The following DIP2A variants were observed in gnomAD, a reference collection of about 807,000 sequenced individuals.
The protein encoded by DIP2A is DIP2 acetate--CoA ligase A, also known as disco-interacting protein 2 homolog A.
A neutral mutation model predicts 177.4 loss-of-function variants in DIP2A; 85 were observed. That is an observed-to-expected ratio of 0.48 (90% CI 0.40 to 0.57). The LOEUF (loss-of-function observed/expected upper bound fraction) is 0.57. Among genes scored for constraint, DIP2A ranks in the 20% least tolerant of loss-of-function variants. The pLI is 0.00. For missense variants in DIP2A, 1,791 were observed against 2,100.2 expected, an observed-to-expected ratio of 0.85 and a Z score of 2.88; for synonymous variants, 886 against 881.8, an observed-to-expected ratio of 1.00 and a Z score of -0.08.
At chr21:46,503,197 C>T (rs1476290154) in intron 5 of DIP2A, among the ~76,000 whole-genome samples, 3 of 152,006 alleles carry the variant, frequency 2.0e-5, no homozygotes, top group African/African-American at 7.3e-5. Flanking sequence ...GTGGCACATG[C>T]CTGTAATCCC....
chr21:46,459,288 A>T, intron 1 of DIP2A, 66 bp downstream of exon 1: 1 of 1,277,234 alleles, frequency 7.8e-7, no homozygotes. Flanking sequence ...GCAGCCCCTC[A>T]CTCCGGGACC....
chr21:46,495,371 C>T (rs1433440845), intron 3 of DIP2A, among the ~76,000 whole-genome samples: 8 of 151,524 alleles, frequency 5.3e-5, no homozygotes, highest in Non-Finnish European at 2.9e-5. Flanking sequence ...CGGGTTCAAA[C>T]GATTTTCCTG....
chr21:46,547,785 C>A (rs1043633489), intron 21 of DIP2A, among the ~76,000 whole-genome samples: 1 of 150,976 alleles, frequency 6.6e-6, no homozygotes, highest in Non-Finnish European at 1.5e-5. Flanking sequence ...GTCCTCTTAC[C>A]GCACCTCCTG....
At position 46,511,477 on chromosome 21, in the gene DIP2A, G is replaced by GGGA. The variant is rs770645393; in HGVS notation, c.967_969dup (p.Glu323dup). ...GGAAGCGAGACGAGTGTGCTGAGAG[G>GGGA]GGAGCCTCTCACTGCAGGTGTCCCC... On this transcript the variant is annotated inframe_insertion, in exon 8 of 38. Coordinates refer to ENST00000417564, the MANE Select transcript of DIP2A (RefSeq NM_015151.4). 2 of 1,613,268 alleles carry GGGA rather than the reference G, an allele frequency of 1.2e-6. No individual in the cohort carries two copies. The highest frequency in any genetic ancestry group is 2.2e-5 in the South Asian group (2 of 90,918).
At chr21:46,554,784 A>AGGGGGGGGGGGGGGG in intron 27 of DIP2A, 38 bp from the exon 28 acceptor site, 9 of 1,537,304 alleles carry the variant, frequency 5.9e-6, no homozygotes, top group East Asian at 2.5e-5. Context: ...GCAGCTTGAG[A>AGGGGGGGGGGGGGGG]GGCCCCGCCC....
chr21:46,546,984 G>A lies in DIP2A; in HGVS notation c.2464G>A (p.Asp822Asn). The change falls in exon 21 of 38, where the codon GAT becomes AAT. Residue 822 changes from aspartate (D) to asparagine (N), a missense_variant. Physicochemically the swap from Asp to Asn is conservative, Grantham distance 23 (BLOSUM62 1). Coordinates refer to ENST00000417564, the MANE Select transcript of DIP2A (RefSeq NM_015151.4). ...MVTGVRRHNA[D>N]DVVATALAVE... ...CACTGGAGTTCGCAGACACAATGCA[G>A]ATGACGTTGTGGCCACCGCACTGGC... 1.2e-6 allele frequency: 2 copies of A among 1,613,980 alleles called. No individual in the cohort carries two copies. Among genetic ancestry groups the A allele is most frequent in the Non-Finnish European group, 1.7e-6 (2 of 1,179,880 alleles).
At chr21:46,558,429 C>T (rs1163833630) in intron 32 of DIP2A, 36 bp downstream of exon 32, 2 of 1,548,774 alleles carry the variant, frequency 1.3e-6, no homozygotes, top group Non-Finnish European at 1.7e-6. Context: ...CGAAAGCTGG[C>T]TGTTGGCAGC....
At chr21:46,509,424 G>C in intron 7 of DIP2A, 48 bp downstream of exon 7, 1 of 1,565,934 alleles carries the variant, frequency 6.4e-7, no homozygotes, top group South Asian at 1.2e-5. Context: ...GAAAAGGGTG[G>C]CCACGAAGTT....
At chr21:46,479,410 CTG>C (rs2056171605) in intron 1 of DIP2A, among the ~76,000 whole-genome samples, 1 of 152,094 alleles carries the variant, frequency 6.6e-6, no homozygotes, top group South Asian at 2.1e-4. Flanking sequence ...TTATTAAAAA[CTG>C]AGATAAAATA....
intron 8 of DIP2A, among the ~76,000 whole-genome samples, chr21:46,524,305 G>A (rs925496385): frequency 1.3e-5 from 2 of 152,134 alleles, no homozygotes; most frequent in African/African-American, 4.8e-5. Context: ...GTTGGGCCTC[G>A]AACCCAGGTT....
chr21:46,532,492 G>A (rs1179427638), intron 10 of DIP2A, among the ~76,000 whole-genome samples: 1 of 152,116 alleles, frequency 6.6e-6, no homozygotes, highest in Non-Finnish European at 1.5e-5. Flanking sequence ...TTATTAGGTG[G>A]AGCTGTTCTA....
At chr21:46,573,741 T>G (rs2060980137), downstream of DIP2A, among the ~76,000 whole-genome samples, 1 of 144,982 alleles carries the variant, frequency 6.9e-6, no homozygotes, top group Admixed American at 7.0e-5. Context: ...TAATATAGTT[T>G]AAATAAAAAA....
chr21:46,509,236 C>T (rs771554506), intron 6 of DIP2A, 21 bp from the exon 7 acceptor site: 7 of 1,606,564 alleles, frequency 4.4e-6, no homozygotes, highest in East Asian at 2.2e-5. Flanking sequence ...CCTCAGTGCT[C>T]CTCTGTCCTT....
chr21:46,527,914 C>T (rs576060458), intron 8 of DIP2A, among the ~76,000 whole-genome samples: 404 of 152,224 alleles, frequency 2.7e-3, no homozygotes, highest in South Asian at 5.8e-3. Flanking sequence ...CCTCTGTCGT[C>T]CTCTCTAGAC....
At position 46,490,642 on chromosome 21, in the gene DIP2A, C is replaced by T. The variant is rs1473615295; in HGVS notation, c.206C>T (p.Pro69Leu). The T allele has an allele frequency of 2.5e-6, 4 of 1,586,256 alleles. No homozygotes were observed. The highest frequency in any genetic ancestry group is 3.4e-6 in the Non-Finnish European group (4 of 1,166,202). ...SLQAENRIPG[P>L]SQTTAAAPKQ... ...CAAGCAGAGAATAGAATTCCTGGGC[C>T]CTCACAAACCACGGCCGCTGCACCC... The change falls in exon 3 of 38, where the codon CCC becomes CTC. Residue 69 changes from proline to leucine, a missense_variant. By Grantham distance (98) the Pro-to-Leu change is moderately conservative. Transcript: ENST00000417564.
At position 46,566,666 on chromosome 21, in the gene DIP2A, C is replaced by T. The variant is rs2060847238; in HGVS notation, c.4446C>T (p.His1482=). Residue 1482 remains histidine, a synonymous_variant, in exon 37 of 38, where the codon CAC becomes CAT. Transcript: ENST00000417564. ...TTGAGACCTCTGTCATCCGAGCACA[C>T]AGGAGCATCGCTGAGTGGTAAGAGC... ...IDIETSVIRA[H]RSIAECAVFT... is the part of the protein sequence containing the mutation. 1 of 1,614,206 alleles carries T rather than the reference C, an allele frequency of 6.2e-7. No individual in the cohort carries two copies. The highest frequency in any genetic ancestry group is 8.5e-7 in the Non-Finnish European group (1 of 1,180,026).
chr21:46,535,456 A>C (rs1199435084), intron 13 of DIP2A, among the ~76,000 whole-genome samples: 2 of 152,200 alleles, frequency 1.3e-5, no homozygotes, highest in East Asian at 3.8e-4. Context: ...GCAGTGGTTC[A>C]TACCAGTAAT....
chr21:46,560,868 G>A, intron 33 of DIP2A, 85 bp downstream of exon 33: 1 of 1,529,842 alleles, frequency 6.5e-7, no homozygotes, highest in Non-Finnish European at 8.8e-7. Flanking sequence ...TGCACCCCCG[G>A]GACCCAGGCA....
chr21:46,559,989 T>A (rs1371246131), intron 32 of DIP2A, among the ~76,000 whole-genome samples: 2 of 152,260 alleles, frequency 1.3e-5, no homozygotes, highest in Admixed American at 1.3e-4. Context: ...ACAGTGGATA[T>A]TACTTGACAT....
Sources: allele counts gnomAD v4.1 joint callset (sites outside exome capture counted in the v4.1 genomes callset), GRCh38; gene constraint gnomAD v4.1.1; transcripts MANE v1.5; gene names NCBI Gene and HGNC (gene_info 2026-07-23, HGNC 2026-07-21).